ORC5: variants seen among roughly 807,000 people sequenced by gnomAD.
ORC5 encodes protein phosphatase 1, regulatory subunit 117.
A neutral mutation model predicts 58.8 loss-of-function variants in ORC5; 39 were observed. The ratio of observed to expected loss-of-function variants is 0.66; its 90% CI spans 0.51 to 0.87. The LOEUF (loss-of-function observed/expected upper bound fraction) is 0.87. Among genes scored for constraint, ORC5 ranks in the 40% least tolerant of loss-of-function variants. The pLI is 0.00. For missense variants in ORC5, 493 were observed against 506.3 expected (o/e 0.97, Z 0.25); for synonymous variants, 218 against 177.6 (o/e 1.23, Z -1.81).
intron 8 of ORC5, among the ~76,000 whole-genome samples, chr7:104,180,971 T>C (rs1017307912): frequency 2.0e-5 from 3 of 152,192 alleles, no homozygotes; most frequent in Admixed American, 6.5e-5. Flanking sequence ...GCATTTGCAA[T>C]CAGATTCATA....
intron 8 of ORC5, among the ~76,000 whole-genome samples, chr7:104,174,577 G>A (rs1258616318): frequency 1.3e-5 from 2 of 152,132 alleles, no homozygotes; most frequent in African/African-American, 4.8e-5. Flanking sequence ...ACCCCACCAG[G>A]AACAGCAGGC....
intron 12 of ORC5, among the ~76,000 whole-genome samples, chr7:104,145,597 A>C (rs1641352201): frequency 6.6e-6 from 1 of 152,160 alleles, no homozygotes; most frequent in African/African-American, 2.4e-5. Flanking sequence ...AAAAAGATAA[A>C]TACAGAAGAA....
intron 1 of ORC5, among the ~76,000 whole-genome samples, chr7:104,207,411 T>C (rs1039741371): frequency 6.6e-6 from 1 of 152,194 alleles, no homozygotes; most frequent in Non-Finnish European, 1.5e-5. Flanking sequence ...CTTAGTGGCC[T>C]TGAAAGCAAC....
chr7:104,176,532 T>A (rs976984635), intron 8 of ORC5, among the ~76,000 whole-genome samples: 1 of 139,536 alleles, frequency 7.2e-6, no homozygotes, highest in Non-Finnish European at 1.5e-5. Context: ...AGTCTTACGA[T>A]CTCTCTGCTT....
intron 12 of ORC5, among the ~76,000 whole-genome samples, chr7:104,148,009 G>A (rs1394350784): frequency 2.0e-5 from 3 of 152,036 alleles, no homozygotes; most frequent in Non-Finnish European, 4.4e-5. Context: ...GAGGGGCAGG[G>A]GTCAGGGAAA....
chr7:104,197,876 C>T, intron 3 of ORC5, 77 bp from the exon 4 acceptor site: 3 of 873,998 alleles, frequency 3.4e-6, no homozygotes, highest in South Asian at 1.8e-5. Flanking sequence ...TTGACTATGT[C>T]CCCCAAAGTT....
At chr7:104,153,368 C>G (rs1584488705) in intron 12 of ORC5, among the ~76,000 whole-genome samples, 1 of 152,214 alleles carries the variant, frequency 6.6e-6, no homozygotes, top group Non-Finnish European at 1.5e-5. Flanking sequence ...GGCGGTGATG[C>G]TCTTAGAATC....
intron 3 of ORC5, among the ~76,000 whole-genome samples, chr7:104,199,166 C>G (rs922925534): frequency 5.6e-5 from 3 of 53,964 alleles, no homozygotes; most frequent in Non-Finnish European, 3.5e-5. Flanking sequence ...TGGACCCCCC[C>G]TACAGAGTCC....
intron 12 of ORC5, among the ~76,000 whole-genome samples, chr7:104,155,686 C>G (rs1170693747): frequency 6.8e-6 from 1 of 147,278 alleles, no homozygotes; most frequent in South Asian, 2.1e-4. Flanking sequence ...CAATTTTATT[C>G]TCTGGGAAAA....
At chr7:104,191,737 A>G (rs143614567) in intron 5 of ORC5, among the ~76,000 whole-genome samples, 1 of 152,240 alleles carries the variant, frequency 6.6e-6, no homozygotes, top group Non-Finnish European at 1.5e-5. Context: ...AATCCCATCT[A>G]TAATAGAAAG....
chr7:104,132,993 A>C (rs569420531), intron 13 of ORC5, among the ~76,000 whole-genome samples: 1 of 152,268 alleles, frequency 6.6e-6, no homozygotes, highest in East Asian at 1.9e-4. Context: ...CAGAATGGTG[A>C]ATATAAAAAA....
intron 12 of ORC5, among the ~76,000 whole-genome samples, chr7:104,148,891 G>A (rs772072174): frequency 5.3e-5 from 8 of 152,110 alleles, no homozygotes; most frequent in Non-Finnish European, 1.2e-4. Context: ...AAAATTAGCT[G>A]GGTGTGGTGG....
At chr7:104,201,437 A>T (rs7350041) in intron 2 of ORC5, among the ~76,000 whole-genome samples, 43,971 of 151,928 alleles carry the variant, frequency 0.29, 6,929 homozygotes, top group East Asian at 0.52. Flanking sequence ...TCCCTTCATT[A>T]AACTCACTTC....
chr7:104,200,983 TAAGTA>T lies in ORC5; in HGVS notation c.166-30_166-26del, dbSNP rs762915029. ...GCTGAAAACGAAAACCAAAACACTG[TAAGTA>T]AAGAAGAAAACACACAAACACAATA... On this transcript the variant is annotated intron_variant, in intron 2 of 13. Coordinates refer to ENST00000297431, the MANE Select transcript of ORC5 (RefSeq NM_002553.4). The T allele has an allele frequency of 7.0e-6, 11 of 1,581,000 alleles. No individual in the cohort carries two copies. In the East Asian group the frequency reaches 2.3e-4, roughly 33 times the overall value.
chr7:104,157,445 T>C (rs972237422), intron 12 of ORC5, among the ~76,000 whole-genome samples: 3 of 152,064 alleles, frequency 2.0e-5, no homozygotes, highest in African/African-American at 7.2e-5. Context: ...GATTATAAAA[T>C]GTTAATTAGA....
chr7:104,149,334 C>T (rs1479588263), intron 12 of ORC5, among the ~76,000 whole-genome samples: 1 of 152,132 alleles, frequency 6.6e-6, no homozygotes, highest in African/African-American at 2.4e-5. Flanking sequence ...TGGGTTTCTA[C>T]ACCCTATGAA....
chr7:104,184,074 TA>T, intron 7 of ORC5, 41 bp from the exon 8 acceptor site: 1 of 1,589,548 alleles, frequency 6.3e-7, no homozygotes, highest in South Asian at 1.1e-5. Flanking sequence ...TTATATCTTG[TA>T]AAAACCTTTC....
chr7:104,169,730 T>G (rs2115889535), intron 8 of ORC5, among the ~76,000 whole-genome samples: 1 of 152,320 alleles, frequency 6.6e-6, no homozygotes, highest in Admixed American at 6.5e-5. Context: ...TTTTAGCTTT[T>G]GAAGTATTCT....
At chr7:104,206,382 A>C (rs1345181707) in intron 1 of ORC5, among the ~76,000 whole-genome samples, 2 of 152,232 alleles carry the variant, frequency 1.3e-5, no homozygotes, top group African/African-American at 4.8e-5. Context: ...TTTCATTAAA[A>C]GCAAAGGTCA....
Sources: gnomAD v4.1 joint callset for allele counts (sites outside exome capture counted in the v4.1 genomes callset) on GRCh38, gnomAD v4.1.1 for gene constraint, MANE v1.5 for transcripts, NCBI Gene and HGNC (gene_info 2026-07-23, HGNC 2026-07-21) for gene names.